The following NRG1 variants were observed in gnomAD, a reference collection of about 807,000 sequenced individuals.
The protein encoded by NRG1 is neuregulin 1.
In NRG1, 18 loss-of-function variants were observed where a neutral mutation model predicts 63.8. The observed-to-expected ratio is 0.28, with a 90% CI of 0.19 to 0.42. NRG1 has a LOEUF of 0.42. Ranked by LOEUF, NRG1 falls within the 10% of genes least tolerant of loss-of-function variation. NRG1 has a pLI of 1.00. For synonymous variants in NRG1, 302 were observed against 301.3 expected (o/e 1.00, Z -0.02); for missense variants, 762 against 814.7 (o/e 0.94, Z 0.79).
chr8:32,188,174 C>G (rs1347000598), intron 1 of NRG1, among the ~76,000 whole-genome samples: 1 of 151,808 alleles, frequency 6.6e-6, no homozygotes, highest in Non-Finnish European at 1.5e-5. Context: ...TCAAGCTATT[C>G]TCCTGCCTCA....
chr8:32,469,493 T>G (rs1823502966), intron 1 of NRG1, among the ~76,000 whole-genome samples: 1 of 151,934 alleles, frequency 6.6e-6, no homozygotes, highest in Non-Finnish European at 1.5e-5. Flanking sequence ...AAAACTCTGA[T>G]CCCCCAAGTC....
chr8:32,200,574 A>T (rs1243755085), intron 1 of NRG1, among the ~76,000 whole-genome samples: 1 of 152,138 alleles, frequency 6.6e-6, no homozygotes, highest in African/African-American at 2.4e-5. Flanking sequence ...TGTATTTGAG[A>T]ACAAGGCATT....
intron 1 of NRG1, among the ~76,000 whole-genome samples, chr8:32,390,815 C>A (rs1157320712): frequency 1.3e-5 from 2 of 151,920 alleles, no homozygotes; most frequent in Admixed American, 6.6e-5. Context: ...ATTCGTAGTA[C>A]CAGCGTTCAG....
In NRG1 at chr8:31,662,536, T is replaced by C. The variant is rs183970843; in HGVS notation, c.37+23105T>C. 6.6e-5 allele frequency among the ~76,000 whole-genome samples: 10 copies of C among 152,330 alleles called. No individual in the cohort carries two copies. In the East Asian group the frequency reaches 1.9e-3, roughly 29 times the overall value. On this transcript the variant is annotated intron_variant, in intron 1 of 10. Transcript: ENST00000519301. ...ATTTCTGGGTTTCACTTTTGTCCAT[T>C]GCTAGCTCTCATTTGGTCTGCAAAT...
At chr8:31,855,405 G>A (rs1469798181) in intron 1 of NRG1, among the ~76,000 whole-genome samples, 5 of 152,206 alleles carry the variant, frequency 3.3e-5, no homozygotes, top group African/African-American at 1.2e-4. Flanking sequence ...TTGGTTTAAA[G>A]TCTGTTTTAT....
intron 1 of NRG1, among the ~76,000 whole-genome samples, chr8:32,206,440 C>T (rs1844074213): frequency 1.3e-5 from 2 of 152,140 alleles, no homozygotes; most frequent in Admixed American, 6.5e-5. Context: ...AGACCAAATA[C>T]CTCTATAAAT....
intron 1 of NRG1, among the ~76,000 whole-genome samples, chr8:31,773,078 G>A (rs560358762): frequency 1.3e-5 from 2 of 152,288 alleles, no homozygotes; most frequent in Middle Eastern, 3.4e-3. Flanking sequence ...AGAAAGGTTG[G>A]AAACCTGTAA....
intron 1 of NRG1, among the ~76,000 whole-genome samples, chr8:32,048,806 TA>T (rs1329652473): frequency 3.3e-5 from 5 of 152,018 alleles, no homozygotes; most frequent in Non-Finnish European, 7.4e-5. Context: ...GCCCGTTTTT[TA>T]ATCGGGTTGT....
chr8:31,822,787 G>A (rs1824129389), intron 1 of NRG1, among the ~76,000 whole-genome samples: 1 of 152,086 alleles, frequency 6.6e-6, no homozygotes, highest in African/African-American at 2.4e-5. Flanking sequence ...GTATTGTTTT[G>A]CAAATAGAAA....
At chr8:32,530,717 TTC>T (rs1193581895) in intron 1 of NRG1, among the ~76,000 whole-genome samples, 2 of 152,206 alleles carry the variant, frequency 1.3e-5, no homozygotes, top group East Asian at 3.9e-4. Context: ...GGGCATTCTG[TTC>T]TAGTGAATAA....
chr8:32,301,271 T>G (rs1287912595), intron 1 of NRG1, among the ~76,000 whole-genome samples: 1 of 152,212 alleles, frequency 6.6e-6, no homozygotes, highest in Non-Finnish European at 1.5e-5. Context: ...CTGAAGATAC[T>G]TCTACAGTAT....
intron 5 of NRG1, among the ~76,000 whole-genome samples, chr8:32,717,202 T>C (rs1819465096): frequency 6.6e-6 from 1 of 152,020 alleles, no homozygotes; most frequent in Admixed American, 6.6e-5. Context: ...AAGCAAGAAC[T>C]ATTATGACCA....
rs142257309 is a variant in NRG1 at position 32,419,618 on chromosome 8, G to A, written c.38-176210G>A. Among the ~76,000 whole-genome samples, 584 of 152,270 alleles carry A rather than the reference G, an allele frequency of 3.8e-3. 5 individuals are homozygous for A. The highest frequency in any genetic ancestry group is 0.013 in the African/African-American group (535 of 41,566). On this transcript the variant is annotated intron_variant, in intron 1 of 10. Transcript: ENST00000519301. ...GGGCCAAGTTTATAGTTCTTTCAAA[G>A]TCTATTTGAATTATTTAAAACCATT...
chr8:32,172,124 G>A (rs1007914500), intron 1 of NRG1, among the ~76,000 whole-genome samples: 2 of 152,178 alleles, frequency 1.3e-5, no homozygotes, highest in Non-Finnish European at 2.9e-5. Flanking sequence ...ACCTCCCACA[G>A]CCAGGTACTC....
intron 1 of NRG1, among the ~76,000 whole-genome samples, chr8:31,683,616 G>GATGC (rs1418743915): frequency 1.3e-5 from 2 of 152,142 alleles, no homozygotes; most frequent in Non-Finnish European, 1.5e-5. Context: ...TGAAATGATG[G>GATGC]ATGCATGTCA....
At chr8:32,122,781 C>G (rs183851394) in intron 1 of NRG1, among the ~76,000 whole-genome samples, 2 of 151,756 alleles carry the variant, frequency 1.3e-5, no homozygotes, top group South Asian at 2.1e-4. Flanking sequence ...CCGCTCCCCC[C>G]ACCCCACAAC....
chr8:32,487,215 C>G (rs114384625), intron 1 of NRG1, among the ~76,000 whole-genome samples: 3 of 149,692 alleles, frequency 2.0e-5, no homozygotes, highest in Non-Finnish European at 4.5e-5. Flanking sequence ...AAAAAAACCA[C>G]AAAAAACAAA....
chr8:32,125,637 G>C (rs974114088), intron 1 of NRG1, among the ~76,000 whole-genome samples: 3 of 151,814 alleles, frequency 2.0e-5, no homozygotes, highest in Admixed American at 6.6e-5. Flanking sequence ...TACCTATCTT[G>C]TTTACCTGTT....
chr8:32,441,119 T>C (rs916816431), intron 1 of NRG1: 1 of 152,180 alleles, frequency 6.6e-6, no homozygotes, highest in Non-Finnish European at 1.5e-5. Flanking sequence ...GTATTAAATA[T>C]ATAAAGAGAA....
Sources: allele counts gnomAD v4.1 joint callset (sites outside exome capture counted in the v4.1 genomes callset), GRCh38; gene constraint gnomAD v4.1.1; transcripts MANE v1.5; gene names NCBI Gene and HGNC (gene_info 2026-07-23, HGNC 2026-07-21).